Variants in KYNU observed in about 807,000 individuals in gnomAD.
KYNU encodes the protein kynureninase.
KYNU carries 54 observed loss-of-function variants against 59.2 expected under a neutral mutation model. That is an observed-to-expected ratio of 0.91 (90% CI 0.73 to 1.14). The LOEUF is 1.14. Among genes scored for constraint, KYNU ranks in the 50% most tolerant of loss-of-function variants. KYNU has a pLI of 0.00. For missense variants in KYNU, 567 were observed against 554.4 expected (o/e 1.02, Z -0.23); for synonymous variants, 177 against 192.0 (o/e 0.92, Z 0.65).
At chr2:143,040,998 T>A (rs1389848116) in intron 13 of KYNU, among the ~76,000 whole-genome samples, 1 of 152,090 alleles carries the variant, frequency 6.6e-6, no homozygotes, top group African/African-American at 2.4e-5. Context: ...ATTCATTTAT[T>A]GGATGAATGG....
rs1687166073 is a variant in KYNU at position 143,046,482 on chromosome 2, T to C, written c.*4310T>C. 6.6e-6 allele frequency: 1 copy of C among 151,844 alleles called. No homozygotes were observed. Among genetic ancestry groups the C allele is most frequent in the Admixed American group, 6.6e-5 (1 of 15,206 alleles). The allele number at this position is 151,844 out of a possible 1,614,324, so 9.4% of individuals were successfully genotyped here. ...TAAATGATGTGAGGTGGTGATTCTA[T>C]TTCATTTTTTCCCATATAGATAATT... On this transcript the variant is annotated 3_prime_UTR_variant, in exon 14 of 14. Transcript: ENST00000264170.
chr2:142,899,540 G>T (rs972893412), intron 2 of KYNU, among the ~76,000 whole-genome samples: 1 of 152,100 alleles, frequency 6.6e-6, no homozygotes, highest in South Asian at 2.1e-4. Flanking sequence ...GAAGTTGGCC[G>T]AACAACGCTC....
intron 10 of KYNU, among the ~76,000 whole-genome samples, chr2:143,001,652 A>G (rs1685711106): frequency 1.3e-5 from 2 of 152,116 alleles, no homozygotes. Flanking sequence ...TGTTCTGGTT[A>G]TGCTATCTTG....
chr2:142,965,911 T>C (rs926407815), intron 8 of KYNU, among the ~76,000 whole-genome samples: 1 of 152,106 alleles, frequency 6.6e-6, no homozygotes, highest in Admixed American at 6.5e-5. Flanking sequence ...CCTTTTTCCT[T>C]TTTTTCTATC....
In KYNU at chr2:142,931,131, T is replaced by C. The variant is rs1221569517; in HGVS notation, c.373+3390T>C. ...GTCGGCTCTCTTCCTGCTTCTGATA[T>C]CTTGCTGGCGCACGCCGCTGACGTA... On this transcript the variant is annotated intron_variant, in intron 4 of 13. Transcript: ENST00000264170. Among the ~76,000 whole-genome samples, 8 of 152,340 alleles carry C rather than the reference T, an allele frequency of 5.3e-5. No individual in the cohort carries two copies. The East Asian group carries it at 5.8e-4, about 11-fold the overall frequency.
chr2:142,955,691 T>C (rs1419245465), intron 5 of KYNU, among the ~76,000 whole-genome samples: 1 of 152,066 alleles, frequency 6.6e-6, no homozygotes, highest in East Asian at 1.9e-4. Context: ...AACACTCAGT[T>C]AACAGTAGCT....
chr2:143,047,263 A>G lies in KYNU; in HGVS notation c.*5091A>G, dbSNP rs569770518. ...AGTGTTAAGTTAAAAAAAGTTGTAG[A>G]AACAGTGTTTTGCTACATTTCCCAG... On this transcript the variant is annotated 3_prime_UTR_variant, in exon 14 of 14. Coordinates refer to ENST00000264170, the MANE Select transcript of KYNU (RefSeq NM_003937.3). The G allele has an allele frequency of 6.6e-6, 1 of 152,090 alleles. No homozygotes were observed. 9.4% of individuals were successfully genotyped at this position (152,090 alleles called of 1,614,324 possible).
chr2:142,982,642 G>A (rs1158711106), intron 8 of KYNU, among the ~76,000 whole-genome samples: 1 of 152,040 alleles, frequency 6.6e-6, no homozygotes, highest in African/African-American at 2.4e-5. Context: ...GTGTATGAAG[G>A]AGACAGTAGA....
At chr2:142,979,237 T>A (rs1684981652) in intron 8 of KYNU, among the ~76,000 whole-genome samples, 1 of 152,204 alleles carries the variant, frequency 6.6e-6, no homozygotes, top group African/African-American at 2.4e-5. Flanking sequence ...ATGTCATTTC[T>A]GAATAAAGAG....
chr2:142,974,342 C>T (rs1684825728), intron 8 of KYNU, among the ~76,000 whole-genome samples: 1 of 152,154 alleles, frequency 6.6e-6, no homozygotes, highest in South Asian at 2.1e-4. Context: ...CTCTCATGCT[C>T]AGTAAATCAG....
rs144733532 is a variant in KYNU at position 143,012,642 on chromosome 2, A to G, written c.903-16985A>G. Among the ~76,000 whole-genome samples the G allele has an allele frequency of 1.2e-3, 177 of 152,332 alleles. No individual in the cohort carries two copies. The Middle Eastern group carries it at 0.02, about 18-fold the overall frequency. ...ATGTATGGGATACATAGAAGCAGTA[A>G]AAGGTCGCTGTAGTGAAGCAGATTA... On this transcript the variant is annotated intron_variant, in intron 10 of 13. Coordinates refer to ENST00000264170, the MANE Select transcript of KYNU (RefSeq NM_003937.3).
intron 2 of KYNU, among the ~76,000 whole-genome samples, chr2:142,896,610 A>G (rs992313667): frequency 6.6e-6 from 1 of 152,084 alleles, no homozygotes; most frequent in African/African-American, 2.4e-5. Context: ...GAAGTGGTAC[A>G]ATCATAGCTC....
chr2:142,988,752 G>T (rs1685300933), intron 10 of KYNU: 2 of 886,726 alleles, frequency 2.3e-6, no homozygotes, highest in Non-Finnish European at 1.9e-6. Context: ...TTCTTTTTAA[G>T]TGATGTCAGT....
Position 143,053,069 on chromosome 2 carries a change from G to A in KYNU, c.*10897G>A, listed in dbSNP as rs1375693009. 1 of 152,314 alleles carries A rather than the reference G, an allele frequency of 6.6e-6. No individual in the cohort carries two copies. The highest frequency in any genetic ancestry group is 2.4e-5 in the African/African-American group (1 of 41,468). The allele number at this position is 152,314 out of a possible 1,614,324, so 9.4% of individuals were successfully genotyped here. ...TGGAGTCAAAGGAGATCATTTTGGAGCTTTAAGATTTGACTGCCCCACTGG... is the reference window on the plus strand; with the variant it reads ...TGGAGTCAAAGGAGATCATTTTGGAACTTTAAGATTTGACTGCCCCACTGG... On this transcript the variant is annotated 3_prime_UTR_variant, in exon 14 of 14. Coordinates refer to ENST00000264170, the MANE Select transcript of KYNU (RefSeq NM_003937.3).
chr2:142,983,440 A>G (rs577533654), intron 8 of KYNU, among the ~76,000 whole-genome samples: 47 of 152,218 alleles, frequency 3.1e-4, no homozygotes, highest in African/African-American at 1.1e-3. Flanking sequence ...TGGAGGAACT[A>G]GAACTTACAT....
intron 10 of KYNU, among the ~76,000 whole-genome samples, chr2:143,027,035 A>C (rs1003212270): frequency 6.6e-6 from 1 of 152,156 alleles, no homozygotes; most frequent in African/African-American, 2.4e-5. Context: ...GCGGGAAAAC[A>C]GGGATAGAAG....
At chr2:142,946,999 T>G in intron 4 of KYNU, 2 of 1,515,614 alleles carry the variant, frequency 1.3e-6, no homozygotes, top group Non-Finnish European at 1.8e-6. Flanking sequence ...TGAGACAAGT[T>G]TATTAGTAAT....
intron 2 of KYNU, among the ~76,000 whole-genome samples, chr2:142,906,467 A>G (rs1008642294): frequency 1.3e-4 from 20 of 152,206 alleles, no homozygotes; most frequent in Non-Finnish European, 2.8e-4. Context: ...AACGGGTCCC[A>G]CATAACTGCC....
intron 10 of KYNU, among the ~76,000 whole-genome samples, chr2:143,010,843 A>G (rs966294761): frequency 1.4e-5 from 2 of 145,234 alleles, no homozygotes; most frequent in Non-Finnish European, 3.0e-5. Flanking sequence ...TGGTGCTGGG[A>G]AAACTGGCTA....
Sources: gnomAD v4.1 joint callset for allele counts (sites outside exome capture counted in the v4.1 genomes callset) on GRCh38, gnomAD v4.1.1 for gene constraint, MANE v1.5 for transcripts, NCBI Gene and HGNC (gene_info 2026-07-23, HGNC 2026-07-21) for gene names.